Variants in JAML observed in about 807,000 individuals in gnomAD.
JAML encodes the protein junctional adhesion molecule-like.
JAML carries 25 observed loss-of-function variants against 39.3 expected under a neutral mutation model. That is an observed-to-expected ratio of 0.64 (90% CI 0.46 to 0.89). The LOEUF (loss-of-function observed/expected upper bound fraction) is 0.89, where lower values mean the gene tolerates loss of function less well. Ranked by LOEUF, JAML falls within the 40% of genes least tolerant of loss-of-function variation. JAML has a pLI of 0.00. For synonymous variants in JAML, 162 were observed against 179.2 expected (o/e 0.90, Z 0.77); for missense variants, 440 against 486.9 (o/e 0.90, Z 0.91).
chr11:118,210,264 G>A (rs1259852838), intron 4 of JAML, among the ~76,000 whole-genome samples: 1 of 152,084 alleles, frequency 6.6e-6, no homozygotes, highest in Non-Finnish European at 1.5e-5. Context: ...TTTTGTGAGG[G>A]GGAAGTGTGT....
intron 2 of JAML, among the ~76,000 whole-genome samples, chr11:118,214,372 C>A (rs1949113111): frequency 2.0e-5 from 3 of 152,008 alleles, no homozygotes; most frequent in Admixed American, 6.6e-5. Context: ...AGGTTCCAGG[C>A]AAAGGAAACC....
intron 6 of JAML, 53 bp from the exon 7 acceptor site, chr11:118,200,665 G>A (rs1948771963): frequency 1.2e-6 from 2 of 1,608,616 alleles, no homozygotes; most frequent in Admixed American, 1.7e-5. Flanking sequence ...GCAAAGAGCT[G>A]AGAGCCCCAC....
At chr11:118,206,064 T>C (rs1253629773) in intron 4 of JAML, 73 bp from the exon 5 acceptor site, 6 of 1,374,016 alleles carry the variant, frequency 4.4e-6, no homozygotes, top group Non-Finnish European at 2.1e-6. Flanking sequence ...CTAGAAGAGA[T>C]CATGTTTAGC....
At chr11:118,214,236 A>G (rs528199648) in intron 2 of JAML, among the ~76,000 whole-genome samples, 2 of 152,170 alleles carry the variant, frequency 1.3e-5, no homozygotes, top group Non-Finnish European at 2.9e-5. Flanking sequence ...GGAGGCATAA[A>G]CAGGAGACCA....
At chr11:118,221,862 A>T (rs190681906) in intron 1 of JAML, among the ~76,000 whole-genome samples, 363 of 152,250 alleles carry the variant, frequency 2.4e-3, no homozygotes, top group Non-Finnish European at 3.1e-3. Context: ...GCAATTCTAG[A>T]TCTTGTAAAT....
At position 118,201,975 on chromosome 11, in the gene JAML, A is replaced by G. The variant is rs575535591; in HGVS notation, c.773-1363T>C. 9.1e-3 allele frequency: 1,385 copies of G among 152,452 alleles called. 7 individuals are homozygous for G. Among genetic ancestry groups the G allele is most frequent in the South Asian group, 0.02 (99 of 4,830 alleles). The allele number at this position is 152,452 out of a possible 1,614,324, so 9.4% of individuals were successfully genotyped here. The stretch of plus-strand genomic sequence containing the variant: ...AACTTGTGTAGAGTTGACTAAGTAT[A>G]TCCATGGGTGTGTGTGGAACTGTGT... On this transcript the variant is annotated intron_variant, in intron 6 of 9. Transcript: ENST00000356289.
chr11:118,210,781 C>T, intron 3 of JAML, 69 bp from the exon 4 acceptor site: 1 of 1,309,334 alleles, frequency 7.6e-7, no homozygotes. Context: ...ATCCCAAAGA[C>T]TCTGTTATGT....
chr11:118,223,373 G>T (rs867147894), intron 1 of JAML, among the ~76,000 whole-genome samples: 10 of 152,036 alleles, frequency 6.6e-5, no homozygotes, highest in African/African-American at 2.4e-4. Context: ...GTTTGTGGAC[G>T]TTTTACCTTA....
intron 3 of JAML, among the ~76,000 whole-genome samples, chr11:118,211,825 C>A (rs1949066057): frequency 6.6e-6 from 1 of 152,108 alleles, no homozygotes; most frequent in South Asian, 2.1e-4. Flanking sequence ...AAGAACCTCG[C>A]CCACCATGCT....
At chr11:118,223,355 T>G (rs1017249159) in intron 1 of JAML, among the ~76,000 whole-genome samples, 2 of 152,140 alleles carry the variant, frequency 1.3e-5, no homozygotes, top group African/African-American at 4.8e-5. Flanking sequence ...TGTAAAGAAT[T>G]ATGAGAGGTT....
intron 2 of JAML, 64 bp downstream of exon 2, chr11:118,214,760 T>G: frequency 6.5e-7 from 1 of 1,530,894 alleles, no homozygotes; most frequent in Non-Finnish European, 9.0e-7. Context: ...AAAATTGGCT[T>G]TTAATAATGC....
intron 6 of JAML, 54 bp downstream of exon 6, chr11:118,203,374 C>T (rs990676124): frequency 1.1e-4 from 159 of 1,504,750 alleles, no homozygotes; most frequent in African/African-American, 2.5e-4. Flanking sequence ...CTAGTCCTGG[C>T]GCCATGCACC....
intron 4 of JAML, among the ~76,000 whole-genome samples, chr11:118,207,904 A>G (rs1007624518): frequency 2.8e-4 from 43 of 152,232 alleles, no homozygotes; most frequent in Non-Finnish European, 5.7e-4. Flanking sequence ...CTATGCTTGC[A>G]TGGACAAGTG....
chr11:118,198,134 G>A, intron 7 of JAML, 43 bp from the exon 8 acceptor site: 2 of 1,539,198 alleles, frequency 1.3e-6, no homozygotes, highest in South Asian at 1.1e-5. Flanking sequence ...AGCGGGCATG[G>A]TTTATTCAAG....
At chr11:118,219,186 A>C (rs1377882862) in intron 1 of JAML, among the ~76,000 whole-genome samples, 2 of 152,228 alleles carry the variant, frequency 1.3e-5, no homozygotes, top group Admixed American at 1.3e-4. Flanking sequence ...GTTCAATATC[A>C]GTAATCATGG....
At chr11:118,212,888 T>A (rs767876656) in intron 2 of JAML, 4 of 1,614,258 alleles carry the variant, frequency 2.5e-6, no homozygotes, top group Admixed American at 1.7e-5. Flanking sequence ...TTTCTGATCA[T>A]CAATTTAGAA....
At chr11:118,205,556 C>T in intron 5 of JAML, 1 of 223,158 alleles carries the variant, frequency 4.5e-6, no homozygotes, top group Non-Finnish European at 9.0e-6. Context: ...AAATCATCTC[C>T]CTCATTCTCC....
At chr11:118,196,322 T>G (rs1948654269) in intron 9 of JAML, among the ~76,000 whole-genome samples, 1 of 151,706 alleles carries the variant, frequency 6.6e-6, no homozygotes, top group Non-Finnish European at 1.5e-5. Context: ...GAGAGGGAGT[T>G]TTGCCACATT....
At chr11:118,210,921 G>C (rs1949045259) in intron 3 of JAML, among the ~76,000 whole-genome samples, 2 of 152,180 alleles carry the variant, frequency 1.3e-5, no homozygotes, top group African/African-American at 4.8e-5. Flanking sequence ...GACAAATGGA[G>C]AAATGCAGTC....
Sources: allele counts gnomAD v4.1 joint callset (sites outside exome capture counted in the v4.1 genomes callset), GRCh38; gene constraint gnomAD v4.1.1; transcripts MANE v1.5; gene names NCBI Gene and HGNC (gene_info 2026-07-23, HGNC 2026-07-21).